The following S100A8 variants were observed in gnomAD, a reference collection of about 807,000 sequenced individuals.
S100A8 encodes the protein protein S100-A8.
In S100A8, 1 loss-of-function variant was observed where a neutral mutation model predicts 4.2. That is an observed-to-expected ratio of 0.24 (90% CI 0.08 to 1.12). The LOEUF is 1.12. S100A8 is among the 50% of genes most tolerant of loss of function. The probability of loss-of-function intolerance (pLI) is 0.53; values close to 1 mark genes in which losing one functional copy is unlikely to be tolerated. For synonymous variants in S100A8, 41 were observed against 44.7 expected (o/e 0.92, Z 0.33); for missense variants, 96 against 111.8 (o/e 0.86, Z 0.64).
chr1:153,407,087 G>A, the S100A8 span, among the ~76,000 whole-genome samples: 21 of 152,292 alleles, frequency 1.4e-4, no homozygotes, highest in East Asian at 3.9e-4. Flanking sequence ...CTGAGGTACC[G>A]GGTTCATCTC....
intron 1 of S100A8, 152 bp downstream of exon 1, chr1:153,390,889 C>T: frequency 4.1e-6 from 2 of 493,620 alleles, no homozygotes; most frequent in Non-Finnish European, 5.5e-6. Flanking sequence ...ACTCTCCTTC[C>T]TTATCCCTGC....
chr1:153,394,979 C>T (rs1386228620), upstream of S100A8, among the ~76,000 whole-genome samples: 1 of 152,170 alleles, frequency 6.6e-6, no homozygotes, highest in Non-Finnish European at 1.5e-5. Context: ...AAAGTGGGCT[C>T]TGGCATTTCC....
upstream of S100A8, among the ~76,000 whole-genome samples, chr1:153,392,149 A>C (rs1342235752): frequency 6.6e-6 from 1 of 152,270 alleles, no homozygotes; most frequent in Non-Finnish European, 1.5e-5. Context: ...ACTCAACAAC[A>C]AAAAACAAAC....
At chr1:153,401,735 A>G in the S100A8 span, among the ~76,000 whole-genome samples, 1 of 152,354 alleles carries the variant, frequency 6.6e-6, no homozygotes, top group South Asian at 2.1e-4. Flanking sequence ...AAATACTTCA[A>G]GCAGGATAAT....
upstream of S100A8, among the ~76,000 whole-genome samples, chr1:153,394,132 G>A (rs553651386): frequency 2.6e-5 from 4 of 152,296 alleles, no homozygotes; most frequent in African/African-American, 7.2e-5. Context: ...TAGAGGGAGC[G>A]GAACCTGGTC....
chr1:153,410,472 A>G, the S100A8 span, among the ~76,000 whole-genome samples: 300 of 152,352 alleles, frequency 2.0e-3, 1 homozygote, highest in African/African-American at 7.0e-3. Context: ...AGGTTCTGAA[A>G]TTGAGGCAAT....
chr1:153,410,783 C>T, the S100A8 span, among the ~76,000 whole-genome samples: 6 of 152,254 alleles, frequency 3.9e-5, no homozygotes, highest in East Asian at 3.9e-4. Context: ...GCTTATCCAC[C>T]GTGATCAAGT....
the S100A8 span, chr1:153,420,700 C>T: frequency 6.6e-6 from 1 of 152,280 alleles, no homozygotes; most frequent in Non-Finnish European, 1.5e-5. Context: ...ATCCCCATGT[C>T]TGACCATTAG....
At chr1:153,411,830 C>T in the S100A8 span, among the ~76,000 whole-genome samples, 5 of 152,246 alleles carry the variant, frequency 3.3e-5, no homozygotes, top group East Asian at 5.8e-4. Flanking sequence ...TAATACCACA[C>T]AACTACAACC....
chr1:153,418,301 C>G, the S100A8 span: 6 of 1,576,168 alleles, frequency 3.8e-6, no homozygotes, highest in Non-Finnish European at 5.2e-6. Flanking sequence ...TGGCCTTGGA[C>G]AGGTCACCCT....
At chr1:153,411,131 G>A in the S100A8 span, among the ~76,000 whole-genome samples, 2 of 152,158 alleles carry the variant, frequency 1.3e-5, no homozygotes, top group Non-Finnish European at 1.5e-5. Context: ...TCTGGCCAGG[G>A]CAATCAGGCA....
upstream of S100A8, among the ~76,000 whole-genome samples, chr1:153,393,049 CA>C (rs1249823821): frequency 2.6e-5 from 4 of 152,174 alleles, no homozygotes; most frequent in African/African-American, 9.7e-5. Context: ...GCCCATTGTA[CA>C]GATGAGGAAA....
the S100A8 span, among the ~76,000 whole-genome samples, chr1:153,401,250 T>C: frequency 1.3e-3 from 194 of 152,366 alleles, 3 homozygotes; most frequent in South Asian, 8.9e-3. Flanking sequence ...ATTACTTTTA[T>C]TTATACATTT....
chr1:153,390,650 T>TGCAC, intron 1 of S100A8, 93 bp from the exon 2 acceptor site: 1 of 1,496,864 alleles, frequency 6.7e-7, no homozygotes, highest in Non-Finnish European at 9.1e-7. Flanking sequence ...AGCGATGGCC[T>TGCAC]TGTCCTGGCC....
the S100A8 span, among the ~76,000 whole-genome samples, chr1:153,400,324 C>G: frequency 1.3e-5 from 2 of 152,274 alleles, no homozygotes; most frequent in East Asian, 3.9e-4. Flanking sequence ...GGCTCGACAT[C>G]CCTACAGATG....
At chr1:153,394,074 C>G (rs1268928248), upstream of S100A8, among the ~76,000 whole-genome samples, 1 of 152,196 alleles carries the variant, frequency 6.6e-6, no homozygotes, top group Non-Finnish European at 1.5e-5. Context: ...GTAAGCACAT[C>G]TGGGGAAAGG....
the S100A8 span, among the ~76,000 whole-genome samples, chr1:153,397,346 C>T: frequency 2.6e-5 from 4 of 152,152 alleles, no homozygotes; most frequent in Non-Finnish European, 5.9e-5. Context: ...GGTCAGCATG[C>T]GAACCTCTGA....
At chr1:153,410,850 G>A in the S100A8 span, among the ~76,000 whole-genome samples, 1,871 of 152,038 alleles carry the variant, frequency 0.012, 38 homozygotes, top group African/African-American at 0.042. Context: ...AATGTAATCC[G>A]TCATATAAAC....
chr1:153,393,023 T>C (rs1662137482), upstream of S100A8, among the ~76,000 whole-genome samples: 1 of 152,202 alleles, frequency 6.6e-6, no homozygotes, highest in African/African-American at 2.4e-5. Flanking sequence ...TCCAATGACG[T>C]ATGTACTATT....
Sources: gnomAD v4.1 joint callset for allele counts (sites outside exome capture counted in the v4.1 genomes callset) on GRCh38, gnomAD v4.1.1 for gene constraint, MANE v1.5 for transcripts, NCBI Gene and HGNC (gene_info 2026-07-23, HGNC 2026-07-21) for gene names.